The following RGS13 variants were observed in gnomAD, a reference collection of about 807,000 sequenced individuals.
RGS13 encodes regulator of G-protein signalling 13.
RGS13 carries 14 observed loss-of-function variants against 19.9 expected under a neutral mutation model. That is an observed-to-expected ratio of 0.70 (90% CI 0.46 to 1.10). The LOEUF is 1.10. RGS13 is among the 50% of genes least tolerant of loss of function. RGS13 has a pLI of 0.00. For synonymous variants in RGS13, 60 were observed against 56.8 expected (o/e 1.06, Z -0.25); for missense variants, 205 against 187.1 (o/e 1.10, Z -0.56).
At chr1:192,656,591 A>G (rs961362757) in intron 5 of RGS13, among the ~76,000 whole-genome samples, 2 of 152,038 alleles carry the variant, frequency 1.3e-5, no homozygotes, top group Non-Finnish European at 2.9e-5. Flanking sequence ...ATCATTTTCT[A>G]TGTTACATTT....
At chr1:192,648,824 A>G (rs949119288) in intron 5 of RGS13, among the ~76,000 whole-genome samples, 9 of 152,082 alleles carry the variant, frequency 5.9e-5, no homozygotes, top group South Asian at 2.1e-4. Flanking sequence ...TGCTACTTAC[A>G]TGCTTTAACT....
At chr1:192,651,447 A>G (rs1236926596) in intron 5 of RGS13, among the ~76,000 whole-genome samples, 1 of 149,030 alleles carries the variant, frequency 6.7e-6, no homozygotes, top group Non-Finnish European at 1.5e-5. Flanking sequence ...GTCAATACCG[A>G]AAGTTTGAGT....
chr1:192,638,960 T>A (rs1459746865), intron 3 of RGS13, among the ~76,000 whole-genome samples: 1 of 152,110 alleles, frequency 6.6e-6, no homozygotes, highest in African/African-American at 2.4e-5. Context: ...AAACTTAAAG[T>A]CTAGTAGGAG....
At chr1:192,649,846 T>C (rs1663304170) in intron 5 of RGS13, among the ~76,000 whole-genome samples, 1 of 152,186 alleles carries the variant, frequency 6.6e-6, no homozygotes, top group South Asian at 2.1e-4. Flanking sequence ...ATCTTCTATT[T>C]TGTTAGTATT....
At chr1:192,649,328 T>G (rs1215077707) in intron 5 of RGS13, among the ~76,000 whole-genome samples, 1 of 152,084 alleles carries the variant, frequency 6.6e-6, no homozygotes, top group Non-Finnish European at 1.5e-5. Context: ...TATTGTAAAT[T>G]TTTGTCCCAA....
Position 192,641,826 on chromosome 1 carries a change from A to G in RGS13, c.-4-2505A>G, listed in dbSNP as rs898878526. Among the ~76,000 whole-genome samples the G allele has an allele frequency of 6.6e-5, 10 of 152,152 alleles. No individual in the cohort carries two copies. In the East Asian group the frequency reaches 9.7e-4, roughly 15 times the overall value. On this transcript the variant is annotated intron_variant, in intron 3 of 6. Transcript: ENST00000391995. ...CTCCTCTTATGTGTTTTATGAAAATAGCCCACCTTTATCCTGAAGCCAAAT... is the reference window on the plus strand; with the variant it reads ...CTCCTCTTATGTGTTTTATGAAAATGGCCCACCTTTATCCTGAAGCCAAAT...
chr1:192,640,966 T>C (rs927319151), intron 3 of RGS13, among the ~76,000 whole-genome samples: 3 of 152,008 alleles, frequency 2.0e-5, no homozygotes, highest in Admixed American at 1.3e-4. Flanking sequence ...AGTATGTCAC[T>C]CACATTGTAA....
chr1:192,645,384 C>T (rs1192297443), intron 4 of RGS13: 1 of 152,144 alleles, frequency 6.6e-6, no homozygotes, highest in East Asian at 1.9e-4. Context: ...TTAATAGGTA[C>T]TTGGCATTCA....
At chr1:192,656,544 A>G (rs1663444410) in intron 5 of RGS13, among the ~76,000 whole-genome samples, 1 of 152,000 alleles carries the variant, frequency 6.6e-6, no homozygotes, top group African/African-American at 2.4e-5. Context: ...AAGTTAAAAT[A>G]TATCCCCCTC....
chr1:192,638,173 T>C lies in RGS13; in HGVS notation c.-35T>C, dbSNP rs1663046478. ...TTTCTTATTTTATCAGATGATATTC[T>C]AACGCTGCCTTTTCTCTTCTCATTT... On this transcript the variant is annotated 5_prime_UTR_variant, in exon 3 of 7. The change abolishes the stop of an existing upstream ORF in the 5' untranslated region. Coordinates refer to ENST00000391995, the MANE Select transcript of RGS13 (RefSeq NM_002927.5). The C allele has an allele frequency of 6.6e-6, 1 of 152,178 alleles. No homozygotes were observed. The highest frequency in any genetic ancestry group is 2.1e-4 in the South Asian group (1 of 4,832). The allele number at this position is 152,178 out of a possible 1,614,324, so 9.4% of individuals were successfully genotyped here.
At chr1:192,636,643 C>A (rs1270880874) in intron 1 of RGS13, among the ~76,000 whole-genome samples, 2 of 151,870 alleles carry the variant, frequency 1.3e-5, no homozygotes, top group African/African-American at 4.8e-5. Flanking sequence ...TAGATAAAAA[C>A]ATATTATAAA....
intron 3 of RGS13, among the ~76,000 whole-genome samples, chr1:192,641,304 AAG>A (rs766320078): frequency 0.16 from 18,375 of 115,938 alleles, 1,922 homozygotes; most frequent in East Asian, 0.32. Flanking sequence ...GAAAGAAAGA[AAG>A]AAAAGAAAGA....
chr1:192,647,945 T>G lies in RGS13; in HGVS notation c.85T>G (p.Leu29Val). 6.2e-7 allele frequency: 1 copy of G among 1,602,980 alleles called. No homozygotes were observed. The highest frequency in any genetic ancestry group is 8.5e-7 in the Non-Finnish European group (1 of 1,173,944). ...TCAAAGCCTTACTTTGGAGGAAGTA[T>G]TACAGTGGGCCCAGTCTTTTGAAAA... ...PPSNLTLEEV[L>V]QWAQSFENLM... The change falls in exon 5 of 7, where the codon TTA becomes GTA. Residue 29 changes from leucine to valine, a missense_variant. Transcript: ENST00000391995.
At position 192,654,997 on chromosome 1, in the gene RGS13, A is replaced by G. The variant is rs1571586850; in HGVS notation, c.128-3204A>G. Among the ~76,000 whole-genome samples the G allele has an allele frequency of 3.9e-5, 6 of 152,192 alleles. 1 individual carries two copies. In the South Asian group the frequency reaches 1.2e-3, roughly 32 times the overall value. On this transcript the variant is annotated intron_variant, in intron 5 of 6. Coordinates refer to ENST00000391995, the MANE Select transcript of RGS13 (RefSeq NM_002927.5). ...AGTCTTCTGAGCATAATGTTCAGGA[A>G]TGAGTATCATTTAAAACTTCAGAAC...
At chr1:192,645,373 T>C (rs2102032013) in intron 4 of RGS13, 1 of 152,302 alleles carries the variant, frequency 6.6e-6, no homozygotes, top group Admixed American at 6.6e-5. Context: ...ATAACAGTTA[T>C]TTAATAGGTA....
At chr1:192,656,920 C>G (rs981346801) in intron 5 of RGS13, among the ~76,000 whole-genome samples, 1 of 152,050 alleles carries the variant, frequency 6.6e-6, no homozygotes, top group Non-Finnish European at 1.5e-5. Context: ...TTGATCTGAT[C>G]TCTTAGATGA....
intron 5 of RGS13, among the ~76,000 whole-genome samples, chr1:192,649,838 C>CT (rs1313305059): frequency 6.6e-6 from 1 of 152,104 alleles, no homozygotes; most frequent in Non-Finnish European, 1.5e-5. Context: ...TCTCCTTTAT[C>CT]TTCTATTTTG....
rs116731921 is a variant in RGS13 at position 192,638,116 on chromosome 1, C to T, written c.-44-48C>T. Reference sequence around the variant, plus strand: ...TCTTTTTAAACCAATGGTTATTTTGCAAATTCTTTGTCCTCAGACTGTGAA... The same window carrying T: ...TCTTTTTAAACCAATGGTTATTTTGTAAATTCTTTGTCCTCAGACTGTGAA... On this transcript the variant is annotated intron_variant, in intron 2 of 6. Coordinates refer to ENST00000391995, the MANE Select transcript of RGS13 (RefSeq NM_002927.5). 3.6e-3 allele frequency: 551 copies of T among 152,154 alleles called. 5 individuals carry two copies. The highest frequency in any genetic ancestry group is 0.013 in the African/African-American group (535 of 41,548). 9.4% of individuals were successfully genotyped at this position (152,154 alleles called of 1,614,324 possible).
chr1:192,641,534 T>TA (rs143607970), intron 3 of RGS13, among the ~76,000 whole-genome samples: 250 of 152,270 alleles, frequency 1.6e-3, no homozygotes, highest in African/African-American at 5.8e-3. Context: ...GCAATGTCAT[T>TA]AATGAGCATC....
Sources: allele counts gnomAD v4.1 joint callset (sites outside exome capture counted in the v4.1 genomes callset), GRCh38; gene constraint gnomAD v4.1.1; transcripts MANE v1.5; gene names NCBI Gene and HGNC (gene_info 2026-07-23, HGNC 2026-07-21).